SIRT3: variants seen among roughly 807,000 people sequenced by gnomAD.
SIRT3 encodes the protein sirtuin 3, also known as NAD-dependent protein deacetylase sirtuin-3, mitochondrial.
A neutral mutation model predicts 33.5 loss-of-function variants in SIRT3; 26 were observed. The ratio of observed to expected loss-of-function variants is 0.78; its 90% CI spans 0.57 to 1.08. The LOEUF is 1.08. Ranked by LOEUF, SIRT3 falls within the 50% of genes least tolerant of loss-of-function variation. The pLI is 0.00. For synonymous variants in SIRT3, 237 were observed against 222.1 expected (o/e 1.07, Z -0.60); for missense variants, 585 against 530.1 (o/e 1.10, Z -1.02).
intron 1 of SIRT3, among the ~76,000 whole-genome samples, chr11:234,331 G>A (rs1035218943): frequency 6.6e-6 from 1 of 152,208 alleles, no homozygotes; most frequent in African/African-American, 2.4e-5. Flanking sequence ...CAAACTGGAG[G>A]AAGCCCATGC....
chr11:230,472 AG>A lies in SIRT3; in HGVS notation c.786del (p.Phe263SerfsTer10), dbSNP rs1306734847. On this transcript the variant is annotated frameshift_variant, in exon 4 of 7. Coordinates refer to ENST00000382743, the MANE Select transcript of SIRT3 (RefSeq NM_012239.6). LOFTEE classifies it high-confidence loss of function. Reference sequence around the variant, plus strand: ...CTCACCCGAATGTCCTCCCCTGGGAAGGGTCTTTGGCAGACTGTGCAGGTGG... The same window carrying A: ...CTCACCCGAATGTCCTCCCCTGGGAAGGTCTTTGGCAGACTGTGCAGGTGG... The part of the protein sequence containing the change: ...ASATCTVCQR[P>X]FPGEDIRADV... 6.7e-7 allele frequency: 1 copy of A among 1,502,454 alleles called. No individual in the cohort carries two copies. The highest frequency in any genetic ancestry group is 8.9e-7 in the Non-Finnish European group (1 of 1,122,284). The allele number at this position is 1,502,454 out of a possible 1,614,324, so 93.1% of individuals were successfully genotyped here.
Position 223,601 on chromosome 11 carries a change from C to T in SIRT3, c.969+477G>A, listed in dbSNP as rs1281948466. On this transcript the variant is annotated intron_variant, in intron 5 of 6. Coordinates refer to ENST00000382743, the MANE Select transcript of SIRT3 (RefSeq NM_012239.6). The surrounding 1 kb of genome is among the most constrained non-coding windows in gnomAD (Gnocchi z 4.8). ...ATCTGACCTGGGAGGCCCTGCCCCTCCACCTCGCCCCCACACCCCCATCCT... is the reference window on the plus strand; with the variant it reads ...ATCTGACCTGGGAGGCCCTGCCCCTTCACCTCGCCCCCACACCCCCATCCT... 4.6e-6 allele frequency: 2 copies of T among 436,728 alleles called. No individual in the cohort carries two copies. Among genetic ancestry groups the T allele is most frequent in the Non-Finnish European group, 8.6e-6 (2 of 231,536 alleles). 27.1% of individuals were successfully genotyped at this position (436,728 alleles called of 1,614,324 possible).
chr11:230,099 G>A (rs1240964048), intron 4 of SIRT3, among the ~76,000 whole-genome samples: 4 of 151,816 alleles, frequency 2.6e-5, no homozygotes, highest in African/African-American at 9.7e-5. Context: ...TGTAATCCCA[G>A]CTACTTAGGA....
chr11:234,712 G>A (rs193182500), intron 1 of SIRT3, among the ~76,000 whole-genome samples: 45 of 152,186 alleles, frequency 3.0e-4, no homozygotes, highest in African/African-American at 1.0e-3. Context: ...ACCGCGCCCG[G>A]CCGCAAGGAT....
upstream of SIRT3, chr11:236,774 TC>T (rs28365928): frequency 1.1e-3 from 554 of 524,296 alleles, 6 homozygotes; most frequent in East Asian, 0.016. Flanking sequence ...ACAAAGCTAG[TC>T]CGTAGCGGGT....
rs559954601 is a variant in SIRT3, at chr11:215,211, C to A, written c.*1487G>T. The A allele has an allele frequency of 6.5e-6, 1 of 152,678 alleles. No individual in the cohort carries two copies. Among genetic ancestry groups the A allele is most frequent in the African/African-American group, 2.4e-5 (1 of 41,534 alleles). The allele number at this position is 152,678 out of a possible 1,614,324, so 9.5% of individuals were successfully genotyped here. A position where few individuals can be genotyped will look rare whatever the true frequency, so the allele number is the denominator to read the frequency against. ...CCGAGGTGGGTGGATCACTTGAAGC[C>A]AGGAGTTCGAGACCAGCCTGGCCAA... On this transcript the variant is annotated 3_prime_UTR_variant, in exon 7 of 7. Transcript: ENST00000382743.
intron 3 of SIRT3, among the ~76,000 whole-genome samples, chr11:231,880 C>T (rs557611502): frequency 3.8e-5 from 2 of 52,730 alleles, no homozygotes; most frequent in African/African-American, 8.9e-5. Context: ...GCCTGGCTCC[C>T]GGAGAGCTGA....
chr11:236,338 A>T lies in SIRT3; in HGVS notation c.-10T>A, dbSNP rs930438409. On this transcript the variant is annotated 5_prime_UTR_variant, in exon 1 of 7. Transcript: ENST00000382743. ...AACCCCAGAACGCCATGTTCCGCGC[A>T]GTCCAAGGAGTCCTCCGGACTCGCC... 7 of 1,363,636 alleles carry T rather than the reference A, an allele frequency of 5.1e-6. No homozygotes were observed. The highest frequency in any genetic ancestry group is 3.1e-5 in the African/African-American group (2 of 63,798). 84.5% of individuals were successfully genotyped at this position (1,363,636 alleles called of 1,614,324 possible).
rs1242440437 is a variant in SIRT3, at chr11:216,636, G to A, written c.*62C>T. 1.9e-6 allele frequency: 3 copies of A among 1,593,450 alleles called. No homozygotes were observed. Among genetic ancestry groups the A allele is most frequent in the African/African-American group, 2.7e-5 (2 of 74,478 alleles). On this transcript the variant is annotated 3_prime_UTR_variant, in exon 7 of 7. Coordinates refer to ENST00000382743, the MANE Select transcript of SIRT3 (RefSeq NM_012239.6). ...AAGCTGTCTTCAGGCATGAGGTCTTGTCAGAATTGGGATGTGGATGTCTCC... is the reference window on the plus strand; with the variant it reads ...AAGCTGTCTTCAGGCATGAGGTCTTATCAGAATTGGGATGTGGATGTCTCC...
rs202155071 is a variant in SIRT3, at chr11:219,059, C to T, written c.970-18G>A. On this transcript the variant is annotated intron_variant, in intron 5 of 6. Coordinates refer to ENST00000382743, the MANE Select transcript of SIRT3 (RefSeq NM_012239.6). ...GGCTCCACCTGAAAAATGGGCCAAACGTGAGGGGCACAGTGTCCACTTTAC... is the reference window on the plus strand; with the variant it reads ...GGCTCCACCTGAAAAATGGGCCAAATGTGAGGGGCACAGTGTCCACTTTAC... The T allele has an allele frequency of 1.3e-5, 20 of 1,599,712 alleles. No individual in the cohort carries two copies. The highest frequency in any genetic ancestry group is 6.7e-5 in the African/African-American group (5 of 74,494).
intron 5 of SIRT3, among the ~76,000 whole-genome samples, chr11:222,170 T>C (rs992485612): frequency 8.5e-5 from 13 of 152,174 alleles, no homozygotes; most frequent in African/African-American, 3.1e-4. Context: ...CTCCTGTGTC[T>C]GTCCCTCCAT....
chr11:221,677 G>A (rs560135172), intron 5 of SIRT3, among the ~76,000 whole-genome samples: 47 of 152,300 alleles, frequency 3.1e-4, no homozygotes, highest in African/African-American at 9.1e-4. Context: ...GAGTCTGTGC[G>A]TGACACCAGC....
chr11:216,833 C>A, intron 6 of SIRT3, 115 bp from the exon 7 acceptor site: 1 of 1,133,956 alleles, frequency 8.8e-7, no homozygotes, highest in Non-Finnish European at 1.3e-6. Context: ...ACAAAACAAG[C>A]TGCTTTCTGC....
intron 1 of SIRT3, among the ~76,000 whole-genome samples, chr11:235,077 C>T (rs1006220721): frequency 6.7e-6 from 1 of 150,158 alleles, no homozygotes; most frequent in African/African-American, 2.5e-5. Flanking sequence ...GGGGTTTCAC[C>T]ATGTTGGCCC....
rs201985813 is a variant in SIRT3 at position 230,477 on chromosome 11, C to G, written c.782G>C (p.Arg261Thr). 2.6e-6 allele frequency: 4 copies of G among 1,526,268 alleles called. No individual in the cohort carries two copies. The South Asian group carries it at 5.1e-5, about 19-fold the overall frequency. 94.5% of individuals were successfully genotyped at this position (1,526,268 alleles called of 1,614,324 possible). A position where few individuals can be genotyped will look rare whatever the true frequency, so the allele number is the denominator to read the frequency against. Residue 261 changes from arginine to threonine, a missense_variant, in exon 4 of 7, where the codon AGA becomes ACA. Physicochemically the swap from Arg to Thr is moderately conservative, Grantham distance 71. Coordinates refer to ENST00000382743, the MANE Select transcript of SIRT3 (RefSeq NM_012239.6). The part of the protein sequence containing the change: ...FASATCTVCQ[R>T]PFPGEDIRAD... ...CCGAATGTCCTCCCCTGGGAAGGGT[C>G]TTTGGCAGACTGTGCAGGTGGCAGA...
intron 4 of SIRT3, among the ~76,000 whole-genome samples, chr11:225,328 C>G (rs556711028): frequency 6.6e-6 from 1 of 152,236 alleles, no homozygotes; most frequent in South Asian, 2.1e-4. Context: ...AGGGGAATCA[C>G]TTGAACCTGG....
At chr11:236,902 A>C, upstream of SIRT3, 1 of 685,794 alleles carries the variant, frequency 1.5e-6, no homozygotes, top group Non-Finnish European at 2.6e-6. Context: ...GTAACCGAGC[A>C]ACCAGCGGGG....
chr11:218,761 T>C, intron 6 of SIRT3, 71 bp downstream of exon 6: 1 of 1,608,218 alleles, frequency 6.2e-7, no homozygotes, highest in Non-Finnish European at 8.5e-7. Flanking sequence ...CGGGGCTCCA[T>C]ATCAGGTGGA....
In SIRT3 at chr11:224,195, G is replaced by A. The variant is rs202035351; in HGVS notation, c.852C>T (p.Thr284=). The change falls in exon 5 of 7, where the codon ACC becomes ACT. Residue 284 remains threonine, a synonymous_variant. Coordinates refer to ENST00000382743, the MANE Select transcript of SIRT3 (RefSeq NM_012239.6). ...ADRVPRCPVC[T]GVVKPDIVFF... ...ACACAATGTCGGGCTTCACAACGCCGGTGCAGACCGGGCAGCGGGGAACCC... is the reference window on the plus strand; with the variant it reads ...ACACAATGTCGGGCTTCACAACGCCAGTGCAGACCGGGCAGCGGGGAACCC... 60 of 1,614,132 alleles carry A rather than the reference G, an allele frequency of 3.7e-5. No homozygotes were observed. Among genetic ancestry groups the A allele is most frequent in the Admixed American group, 1.8e-4 (11 of 60,034 alleles).
Sources: gnomAD v4.1 joint callset for allele counts (sites outside exome capture counted in the v4.1 genomes callset) on GRCh38, gnomAD v4.1.1 for gene constraint, Gnocchi (gnomAD v3.1) non-coding constraint, MANE v1.5 for transcripts, NCBI Gene and HGNC (gene_info 2026-07-23, HGNC 2026-07-21) for gene names.